DNAH17: variants seen among roughly 807,000 people sequenced by gnomAD.
The protein encoded by DNAH17 is dynein axonemal heavy chain 17, also known as axonemal beta dynein heavy chain 17.
A neutral mutation model predicts 485.6 loss-of-function variants in DNAH17; 376 were observed. The observed-to-expected ratio is 0.77, with a 90% CI of 0.71 to 0.84. DNAH17 has a LOEUF of 0.84. Among genes scored for constraint, DNAH17 ranks in the 40% least tolerant of loss-of-function variants. The pLI is 0.00. For missense variants in DNAH17, 6,370 were observed against 5,839.3 expected (o/e 1.09, Z -2.96); for synonymous variants, 3,031 against 2,405.9 (o/e 1.26, Z -7.60).
At chr17:78,545,586 A>G (rs896818522) in intron 16 of DNAH17, among the ~76,000 whole-genome samples, 1 of 151,938 alleles carries the variant, frequency 6.6e-6, no homozygotes, top group African/African-American at 2.4e-5. Context: ...CTCTATTCTC[A>G]TGTTCTGATT....
chr17:78,538,730 G>A (rs2091444662), intron 18 of DNAH17, among the ~76,000 whole-genome samples: 1 of 152,152 alleles, frequency 6.6e-6, no homozygotes, highest in Non-Finnish European at 1.5e-5. Context: ...AGTCTGTAGT[G>A]ACGAGTACTT....
In DNAH17 at chr17:78,542,808, C is replaced by G. The variant is rs183028176; in HGVS notation, c.2532+1049G>C. 5.8e-4 allele frequency among the ~76,000 whole-genome samples: 89 copies of G among 152,314 alleles called. 1 individual carries two copies. The highest frequency in any genetic ancestry group is 1.8e-3 in the African/African-American group (76 of 41,560). ...ATTCACATATGCAGGTAGTGATACA[C>G]CCTGTGCACGTTCAAATGGTCCTCG... On this transcript the variant is annotated intron_variant, in intron 17 of 80. Transcript: ENST00000389840.
At chr17:78,433,469 T>C (rs618329) in intron 75 of DNAH17, among the ~76,000 whole-genome samples, 21,529 of 152,192 alleles carry the variant, frequency 0.14, 1,646 homozygotes, top group Middle Eastern at 0.21. Context: ...GGAGGATGTG[T>C]GGCTTTCTAC....
At chr17:78,550,181 C>T (rs2091867324) in intron 16 of DNAH17, among the ~76,000 whole-genome samples, 1 of 152,256 alleles carries the variant, frequency 6.6e-6, no homozygotes, top group Non-Finnish European at 1.5e-5. Context: ...ACGCCATCAA[C>T]AGGCTAGAAG....
intron 51 of DNAH17, among the ~76,000 whole-genome samples, chr17:78,477,825 T>G (rs975399385): frequency 2.0e-5 from 3 of 152,196 alleles, no homozygotes; most frequent in Admixed American, 1.3e-4. Context: ...ACCCAATCTC[T>G]GACTCAGAGT....
rs1221445899 is a variant in DNAH17 at position 78,426,937 on chromosome 17, G to T, written c.12760C>A (p.Leu4254Met). 14 of 1,605,326 alleles carry T rather than the reference G, an allele frequency of 8.7e-6. No homozygotes were observed. In the East Asian group the frequency reaches 3.1e-4, roughly 36 times the overall value. ...EMRRSLKELN[L>M]GLKGELTITT... ...TGACCCATGTTTACCTTCAGCCCCAGGTTCAGCTCCTTGAGCGAACGGCGC... is the reference window on the plus strand; with the variant it reads ...TGACCCATGTTTACCTTCAGCCCCATGTTCAGCTCCTTGAGCGAACGGCGC... Residue 4254 changes from leucine to methionine, a missense_variant, in exon 78 of 81, where the codon CTG becomes ATG. Leu to Met is a conservative substitution (Grantham distance 15). Transcript: ENST00000389840.
chr17:78,499,165 G>A (rs2090182640), intron 36 of DNAH17, 53 bp from the exon 37 acceptor site: 9 of 1,287,076 alleles, frequency 7.0e-6, no homozygotes, highest in East Asian at 5.4e-5. Context: ...CAGGGAGGGC[G>A]GGCGCTGCAG....
At position 78,475,710 on chromosome 17, in the gene DNAH17, C is replaced by T. The variant is rs199641515; in HGVS notation, c.8278G>A (p.Val2760Ile). The T allele has an allele frequency of 1.3e-4, 203 of 1,613,880 alleles. No individual in the cohort carries two copies. The African/African-American group carries it at 2.3e-3, about 19-fold the overall frequency. Reference protein sequence around the residue: ...MAPLNKLLVDVLDSYNEVNAV... With the variant: ...MAPLNKLLVDILDSYNEVNAV... ...TTAACTTCATTGTAGCTGTCCAGGACGTCCACGAGGAGCTTGTTCAGAGGA... is the reference window on the plus strand; with the variant it reads ...TTAACTTCATTGTAGCTGTCCAGGATGTCCACGAGGAGCTTGTTCAGAGGA... The change falls in exon 53 of 81, where the codon GTC (valine) becomes ATC (isoleucine). Residue 2760 changes from valine to isoleucine, a missense_variant. Coordinates refer to ENST00000389840, the MANE Select transcript of DNAH17 (RefSeq NM_173628.4).
intron 11 of DNAH17, among the ~76,000 whole-genome samples, chr17:78,565,492 T>C (rs1165333026): frequency 2.0e-5 from 3 of 152,210 alleles, no homozygotes; most frequent in Non-Finnish European, 4.4e-5. Context: ...ATCTCAGCCT[T>C]GAAATCCTCC....
intron 54 of DNAH17, among the ~76,000 whole-genome samples, chr17:78,473,114 C>A (rs2088841910): frequency 6.6e-6 from 1 of 152,210 alleles, no homozygotes; most frequent in Admixed American, 6.5e-5. Context: ...TAGGGGTGAG[C>A]CTATTACTAT....
intron 25 of DNAH17, among the ~76,000 whole-genome samples, chr17:78,518,446 C>T (rs2090846437): frequency 6.6e-6 from 1 of 152,026 alleles, no homozygotes; most frequent in South Asian, 2.1e-4. Flanking sequence ...TATAAGAAGA[C>T]AATAATCCCA....
At chr17:78,576,775 T>TG (rs1352491415) in intron 1 of DNAH17, among the ~76,000 whole-genome samples, 4 of 152,150 alleles carry the variant, frequency 2.6e-5, no homozygotes, top group Admixed American at 6.5e-5. Context: ...AAGAACGGCA[T>TG]GGGGTGGGCT....
At chr17:78,424,456 A>G (rs2086317620) in intron 80 of DNAH17, 1 of 356,628 alleles carries the variant, frequency 2.8e-6, no homozygotes, top group Non-Finnish European at 5.1e-6. Flanking sequence ...GCAGGAAGTC[A>G]TAACTCCAGC....
chr17:78,450,575 T>C lies in DNAH17; in HGVS notation c.10899+107A>G, dbSNP rs2087503729. 3.4e-6 allele frequency: 5 copies of C among 1,458,290 alleles called. No homozygotes were observed. In the Admixed American group the frequency reaches 8.5e-5, roughly 25 times the overall value. 90.3% of individuals were successfully genotyped at this position (1,458,290 alleles called of 1,614,324 possible). A position where few individuals can be genotyped will look rare whatever the true frequency, so the allele number is the denominator to read the frequency against. On this transcript the variant is annotated intron_variant, in intron 67 of 80. Transcript: ENST00000389840. ...TGCCCTGGGCCCACTCGGGCACGTA[T>C]GACCGAAGCTGCTTTTCTCCTTTCT...
chr17:78,466,300 C>T (rs1306388412), intron 56 of DNAH17, among the ~76,000 whole-genome samples: 2 of 152,162 alleles, frequency 1.3e-5, no homozygotes, highest in African/African-American at 2.4e-5. Context: ...CTGCCGAAGG[C>T]CGGAAGGCCT....
At chr17:78,492,445 C>G (rs2146676970) in intron 42 of DNAH17, among the ~76,000 whole-genome samples, 188 bp downstream of exon 42, 1 of 152,328 alleles carries the variant, frequency 6.6e-6, no homozygotes, top group Admixed American at 6.5e-5. Flanking sequence ...TATCCCCCAG[C>G]CCGGGTGCTA....
rs2090016095 is a variant in DNAH17, at chr17:78,495,041, G to A, written c.5960C>T (p.Ala1987Val). Residue 1987 changes from alanine to valine, a missense_variant, in exon 39 of 81, where the codon GCC becomes GTC. Ala to Val is a moderately conservative substitution (Grantham distance 64). Coordinates refer to ENST00000389840, the MANE Select transcript of DNAH17 (RefSeq NM_173628.4). ...FELICEIMLM[A>V]EGFLEARLLA... ...AAGGCGGGCTTCCAGAAAGCCCTCG[G>A]CCATGAGCATGATCTCACATATCAG... is the stretch of plus-strand genomic sequence containing the variant. 2 of 1,611,924 alleles carry A rather than the reference G, an allele frequency of 1.2e-6. No homozygotes were observed. Among genetic ancestry groups the A allele is most frequent in the African/African-American group, 2.7e-5 (2 of 74,912 alleles).
Position 78,506,719 on chromosome 17 carries a change from C to T in DNAH17, c.4803+1G>A. On this transcript the variant is annotated splice_donor_variant, in intron 30 of 80. Coordinates refer to ENST00000389840, the MANE Select transcript of DNAH17 (RefSeq NM_173628.4). LOFTEE classifies it high-confidence loss of function. ...ACCGGAATGCAAGGGGCCCCGCCTA[C>T]CTCCACGGGGTCATTGCCATTGGAG... 2 of 1,613,914 alleles carry T rather than the reference C, an allele frequency of 1.2e-6. No homozygotes were observed. The highest frequency in any genetic ancestry group is 1.7e-6 in the Non-Finnish European group (2 of 1,179,882).
intron 43 of DNAH17, 37 bp downstream of exon 43, chr17:78,491,405 TG>T: frequency 6.2e-7 from 1 of 1,604,578 alleles, no homozygotes. Context: ...GTCCCTGCCT[TG>T]GGTGGCCTTG....
Sources: allele counts gnomAD v4.1 joint callset (sites outside exome capture counted in the v4.1 genomes callset), GRCh38; gene constraint gnomAD v4.1.1; transcripts MANE v1.5; gene names NCBI Gene and HGNC (gene_info 2026-07-23, HGNC 2026-07-21).